Variants in PHTF1 observed in about 807,000 individuals in gnomAD.
The protein encoded by PHTF1 is protein PHTF1.
Under a neutral mutation model 102.4 loss-of-function variants are expected in PHTF1, and 88 were observed. The observed-to-expected ratio is 0.86, with a 90% confidence interval of 0.72 to 1.03. PHTF1 has a LOEUF of 1.03. Ranked by LOEUF, PHTF1 falls within the 50% of genes least tolerant of loss-of-function variation. The pLI is 0.00. For missense variants in PHTF1, 814 were observed against 909.5 expected (o/e 0.89, Z 1.35); for synonymous variants, 289 against 305.2 (o/e 0.95, Z 0.55).
intron 5 of PHTF1, among the ~76,000 whole-genome samples, chr1:113,736,099 T>C (rs1655438804): frequency 1.3e-5 from 2 of 151,918 alleles, no homozygotes; most frequent in African/African-American, 4.8e-5. Context: ...TCCCAGCACT[T>C]TGGGAGACCG....
At chr1:113,727,643 ATCATCTC>A in intron 5 of PHTF1, among the ~76,000 whole-genome samples, 2 of 152,248 alleles carry the variant, frequency 1.3e-5, no homozygotes, top group Admixed American at 6.5e-5. Context: ...ATCTATACAA[ATCATCTC>A]AATTGACAGT....
intron 7 of PHTF1, among the ~76,000 whole-genome samples, chr1:113,720,586 A>G (rs1292841674): frequency 1.3e-5 from 2 of 152,222 alleles, no homozygotes; most frequent in East Asian, 3.8e-4. Flanking sequence ...AAATGATATC[A>G]AGTATCACCG....
At chr1:113,702,654 G>A (rs78064013) in intron 15 of PHTF1, among the ~76,000 whole-genome samples, 1 of 149,218 alleles carries the variant, frequency 6.7e-6, no homozygotes, top group East Asian at 1.9e-4. Context: ...AGAAAAAAAA[G>A]GAAGAAGAAG....
rs1361358394 is a variant in PHTF1 at position 113,699,751 on chromosome 1, G to A, written c.2095C>T (p.Leu699Phe). The A allele has an allele frequency of 1.1e-5, 16 of 1,469,280 alleles. No individual in the cohort carries two copies. The highest frequency in any genetic ancestry group is 1.8e-5 in the Admixed American group (1 of 55,026). 91.0% of individuals were successfully genotyped at this position (1,469,280 alleles called of 1,614,324 possible). ...TTTAATACATTGTTTACTAGAGTAA[G>A]CTGTTCTTTCTTATTTGGCTTTTTT... Reference protein sequence around the residue: ...MEKKPNKKEQLTLVNNVLKLS... With the variant: ...MEKKPNKKEQFTLVNNVLKLS... Residue 699 changes from leucine to phenylalanine, a missense_variant, in exon 17 of 19, where the codon CTT becomes TTT. Physicochemically the swap from Leu to Phe is conservative, Grantham distance 22. Coordinates refer to ENST00000369604, the MANE Select transcript of PHTF1 (RefSeq NM_001323043.2).
Position 113,738,250 on chromosome 1 carries a change from G to C in PHTF1, c.191C>G (p.Ala64Gly), listed in dbSNP as rs776799579. 9 of 1,613,590 alleles carry C rather than the reference G, an allele frequency of 5.6e-6. No individual in the cohort carries two copies. The South Asian group carries it at 9.9e-5, about 18-fold the overall frequency. ...AGATGTCCATGGAATTTCAGGTTTT[G>C]CTTTGGCAAATGTTGACCCTTTAAA... ...DLIRGSTFAKAKPEIPWTSLT... is the reference protein window; with the variant it reads ...DLIRGSTFAKGKPEIPWTSLT... The change falls in exon 5 of 19, where the codon GCA becomes GGA. Residue 64 changes from alanine to glycine, a missense_variant. Physicochemically the swap from Ala to Gly is moderately conservative, Grantham distance 60. Coordinates refer to ENST00000369604, the MANE Select transcript of PHTF1 (RefSeq NM_001323043.2).
intron 8 of PHTF1, among the ~76,000 whole-genome samples, chr1:113,712,420 T>C (rs1332281044): frequency 6.6e-6 from 1 of 152,158 alleles, no homozygotes; most frequent in Non-Finnish European, 1.5e-5. Context: ...CTAAATCTGT[T>C]TGGAGCTGAG....
Position 113,758,744 on chromosome 1 carries a change from A to C in PHTF1, c.-30-11T>G. On this transcript the variant is annotated splice_polypyrimidine_tract_variant and intron_variant, in intron 1 of 18. Coordinates refer to ENST00000369604, the MANE Select transcript of PHTF1 (RefSeq NM_001323043.2). ...GAGAATGGGATTTCACTGAAAATGA[A>C]GGAAAACCAATCGGTGAGTCCAGCT... 1 of 1,600,186 alleles carries C rather than the reference A, an allele frequency of 6.2e-7. No individual in the cohort carries two copies. Among genetic ancestry groups the C allele is most frequent in the Non-Finnish European group, 8.5e-7 (1 of 1,174,084 alleles).
chr1:113,726,379 C>A, intron 6 of PHTF1, 39 bp downstream of exon 6: 1 of 1,399,392 alleles, frequency 7.1e-7, no homozygotes, highest in Non-Finnish European at 9.9e-7. Context: ...AATAACTCTC[C>A]CAGAAAATAT....
intron 15 of PHTF1, among the ~76,000 whole-genome samples, chr1:113,701,825 G>GT (rs1649466901): frequency 5.4e-5 from 2 of 37,040 alleles, no homozygotes; most frequent in Non-Finnish European, 1.0e-4. Context: ...TCAATTCCTG[G>GT]TAAAAAAAAA....
In PHTF1 at chr1:113,697,635, T is replaced by G; in HGVS notation, c.*70A>C. The G allele has an allele frequency of 9.1e-7, 1 of 1,104,336 alleles. No individual in the cohort carries two copies. The highest frequency in any genetic ancestry group is 1.4e-6 in the Non-Finnish European group (1 of 718,980). The allele number at this position is 1,104,336 out of a possible 1,614,324, so 68.4% of individuals were successfully genotyped here. A position where few individuals can be genotyped will look rare whatever the true frequency, so the allele number is the denominator to read the frequency against. On this transcript the variant is annotated 3_prime_UTR_variant, in exon 19 of 19. Transcript: ENST00000369604. ...AGCAGGTGGGTATCTCACTGGTTTC[T>G]GCAGTCATCACTTTCCTTGATAGGT...
intron 3 of PHTF1, among the ~76,000 whole-genome samples, chr1:113,757,482 A>C (rs1188596342): frequency 2.0e-5 from 3 of 152,204 alleles, no homozygotes; most frequent in African/African-American, 4.8e-5. Flanking sequence ...TTTGCTCTCT[A>C]ATTCATCATA....
At chr1:113,704,535 C>A in intron 14 of PHTF1, 131 bp downstream of exon 14, 1 of 636,076 alleles carries the variant, frequency 1.6e-6, no homozygotes, top group Non-Finnish European at 2.7e-6. Context: ...ACTTGCTGTC[C>A]AGCAAGTCTG....
chr1:113,758,756 C>G, intron 1 of PHTF1, 23 bp from the exon 2 acceptor site: 2 of 1,593,492 alleles, frequency 1.3e-6, no homozygotes, highest in East Asian at 2.3e-5. Context: ...GAAAACCAAT[C>G]GGTGAGTCCA....
intron 7 of PHTF1, chr1:113,715,309 G>A (rs1349544135): frequency 2.0e-5 from 3 of 152,214 alleles, no homozygotes; most frequent in Non-Finnish European, 4.4e-5. Flanking sequence ...AGATACCAGT[G>A]ACCAATTCCA....
chr1:113,711,906 G>T, intron 9 of PHTF1, 34 bp downstream of exon 9: 1 of 1,600,802 alleles, frequency 6.2e-7, no homozygotes, highest in Non-Finnish European at 8.6e-7. Flanking sequence ...CAATGATTCA[G>T]TCCTATACTT....
chr1:113,750,585 G>A (rs903138354), intron 3 of PHTF1, among the ~76,000 whole-genome samples: 5 of 152,088 alleles, frequency 3.3e-5, no homozygotes, highest in Admixed American at 1.3e-4. Flanking sequence ...GGGGCCAGGC[G>A]TGGTGGCTCA....
At chr1:113,743,521 G>A (rs1267398180) in intron 3 of PHTF1, among the ~76,000 whole-genome samples, 1 of 151,994 alleles carries the variant, frequency 6.6e-6, no homozygotes, top group African/African-American at 2.4e-5. Context: ...TCAAAGTATA[G>A]TATAGTAAAT....
At chr1:113,726,352 G>A (rs1037002080) in intron 6 of PHTF1, 66 bp downstream of exon 6, 4 of 1,212,638 alleles carry the variant, frequency 3.3e-6, no homozygotes, top group Non-Finnish European at 3.5e-6. Flanking sequence ...TTAATCAAAG[G>A]TTTTATAAAT....
At chr1:113,727,638 T>C (rs758980236) in intron 5 of PHTF1, among the ~76,000 whole-genome samples, 8 of 152,242 alleles carry the variant, frequency 5.3e-5, no homozygotes, top group Non-Finnish European at 1.0e-4. Context: ...ATCACATCTA[T>C]ACAAATCATC....
Sources: gnomAD v4.1 joint callset for allele counts (sites outside exome capture counted in the v4.1 genomes callset) on GRCh38, gnomAD v4.1.1 for gene constraint, MANE v1.5 for transcripts, NCBI Gene and HGNC (gene_info 2026-07-23, HGNC 2026-07-21) for gene names.